EFR3B: variants seen among roughly 807,000 people sequenced by gnomAD.
EFR3B encodes the protein protein EFR3 homolog B.
A neutral mutation model predicts 104.7 loss-of-function variants in EFR3B; 64 were observed. The ratio of observed to expected loss-of-function variants is 0.61; its 90% confidence interval spans 0.50 to 0.75. The LOEUF (loss-of-function observed/expected upper bound fraction) is 0.75, where lower values mean the gene tolerates loss of function less well. EFR3B is among the 30% of genes least tolerant of loss of function. The pLI is 0.00. For missense variants in EFR3B, 750 were observed against 1,078.5 expected (o/e 0.70, Z 4.27); for synonymous variants, 385 against 417.9 (o/e 0.92, Z 0.96).
At chr2:25,075,096 T>A (rs76936547) in intron 1 of EFR3B, among the ~76,000 whole-genome samples, 5,356 of 152,278 alleles carry the variant, frequency 0.035, 141 homozygotes, top group Non-Finnish European at 0.053. Context: ...ACAGAGTCTG[T>A]TCAGATTTCG....
rs769638222 is a variant in EFR3B at position 25,143,978 on chromosome 2, G to T, written c.2050+116G>T. The T allele has an allele frequency of 7.3e-6, 10 of 1,374,578 alleles. No individual in the cohort carries two copies. In the East Asian group the frequency reaches 2.1e-4, roughly 28 times the overall value. 85.1% of individuals were successfully genotyped at this position (1,374,578 alleles called of 1,614,324 possible). A position where few individuals can be genotyped will look rare whatever the true frequency, so the allele number is the denominator to read the frequency against. On this transcript the variant is annotated intron_variant, in intron 18 of 22. Coordinates refer to ENST00000403714, the MANE Select transcript of EFR3B (RefSeq NM_014971.2). ...TTGCCTGTGAGGCACCTTGGATGTC[G>T]TGAGAGCTGAAAGACACAGTGGAAA...
At chr2:25,062,581 C>A (rs1184713292) in intron 1 of EFR3B, among the ~76,000 whole-genome samples, 4 of 152,220 alleles carry the variant, frequency 2.6e-5, no homozygotes, top group Admixed American at 2.0e-4. Context: ...AGGGCTCTTA[C>A]CAGCAGCCTA....
chr2:25,139,229 A>C (rs981475899), intron 16 of EFR3B, 39 bp downstream of exon 16: 15 of 1,538,186 alleles, frequency 9.8e-6, no homozygotes, highest in Non-Finnish European at 1.3e-5. Flanking sequence ...GGGGCCCTCA[A>C]CTTGGGGTTT....
At position 25,131,709 on chromosome 2, in the gene EFR3B, G is replaced by A. The variant is rs1303654435; in HGVS notation, c.986-41G>A. ...CGCGCGGTGCACAGAGGAGGAGGGT[G>A]CCAGCCTTGGATCTCGGGTGTCCCG... On this transcript the variant is annotated intron_variant, in intron 9 of 22. Transcript: ENST00000403714. The surrounding 1 kb of genome is among the most constrained non-coding windows in gnomAD (Gnocchi z 7.6). The A allele has an allele frequency of 1.5e-5, 22 of 1,484,378 alleles. No individual in the cohort carries two copies. The highest frequency in any genetic ancestry group is 2.0e-5 in the Non-Finnish European group (22 of 1,111,244). The allele number at this position is 1,484,378 out of a possible 1,614,324, so 92.0% of individuals were successfully genotyped here.
chr2:25,108,909 G>A (rs563266050), intron 4 of EFR3B, among the ~76,000 whole-genome samples: 5 of 152,216 alleles, frequency 3.3e-5, no homozygotes, highest in East Asian at 1.9e-4. Flanking sequence ...GGGAGGCTGA[G>A]GTGGGAGAAT....
chr2:25,056,997 G>A (rs1668039292), intron 1 of EFR3B, among the ~76,000 whole-genome samples: 1 of 152,168 alleles, frequency 6.6e-6, no homozygotes, highest in South Asian at 2.1e-4. Context: ...GAATGAATGG[G>A]CTGGAAGGGT....
At chr2:25,108,289 ATGGGTCCAGATGCATGTCT>A (rs1401746635) in intron 4 of EFR3B, among the ~76,000 whole-genome samples, 7 of 152,278 alleles carry the variant, frequency 4.6e-5, no homozygotes, top group Non-Finnish European at 8.8e-5. Context: ...TCATTGCATG[ATGGGTCCAGATGCATGTCT>A]TGGGTCCAGA....
chr2:25,048,226 C>A (rs964759123), intron 1 of EFR3B, among the ~76,000 whole-genome samples: 1 of 151,964 alleles, frequency 6.6e-6, no homozygotes, highest in Non-Finnish European at 1.5e-5. Flanking sequence ...ATTGCCTAGG[C>A]TGGTCTTGAT....
At chr2:25,082,854 GA>G (rs911100123) in intron 1 of EFR3B, among the ~76,000 whole-genome samples, 9 of 152,298 alleles carry the variant, frequency 5.9e-5, no homozygotes, top group African/African-American at 1.9e-4. Flanking sequence ...AACCAGGACA[GA>G]AAATTAAAGT....
rs577414056 is a variant in EFR3B, at chr2:25,126,639, C to T, written c.486-1544C>T. Among the ~76,000 whole-genome samples, 5 of 151,888 alleles carry T rather than the reference C, an allele frequency of 3.3e-5. No homozygotes were observed. In the South Asian group the frequency reaches 8.3e-4, roughly 25 times the overall value. ...CCTCCCAAAGTGCTGGGATTACAGG[C>T]GTGAGTCACCGCGCCCGGCCTAATG... is the stretch of plus-strand genomic sequence containing the variant. On this transcript the variant is annotated intron_variant, in intron 5 of 22. Transcript: ENST00000403714.
At chr2:25,099,870 TAAAAA>T (rs59603684) in intron 3 of EFR3B, among the ~76,000 whole-genome samples, 1 of 138,962 alleles carries the variant, frequency 7.2e-6, no homozygotes, top group Non-Finnish European at 1.6e-5. Flanking sequence ...AAACTTTGTT[TAAAAA>T]AAAAAAAAAA....
rs1670261739 is a variant in EFR3B, at chr2:25,129,337, CGGGGGCGGGGGCGGGGCGTGGGGT to C, written c.636-633_636-610del. ...GGGTCGACGGGGGCGGGGGCGGGGG[CGGGGGCGGGGGCGGGGCGTGGGGT>C]GGGGCGTGGGGTGGGGTGGGGTTCG... is the stretch of plus-strand genomic sequence containing the variant. On this transcript the variant is annotated intron_variant, in intron 6 of 22. Coordinates refer to ENST00000403714, the MANE Select transcript of EFR3B (RefSeq NM_014971.2). Among the ~76,000 whole-genome samples the C allele has an allele frequency of 4.4e-4, 4 of 9,102 alleles. No individual in the cohort carries two copies. The South Asian group carries it at 8.7e-3, about 20-fold the overall frequency. 6.0% of individuals were successfully genotyped at this position (9,102 alleles called of 152,430 possible).
rs182434041 is a variant in EFR3B at position 25,084,747 on chromosome 2, C to T, written c.8-6578C>T. On this transcript the variant is annotated intron_variant, in intron 1 of 22. Coordinates refer to ENST00000403714, the MANE Select transcript of EFR3B (RefSeq NM_014971.2). ...GGGACAACTTGAGGCGAAGGCGGAACGACTCAAAGTGGAGAGGGGGCTTCC... is the reference window on the plus strand; with the variant it reads ...GGGACAACTTGAGGCGAAGGCGGAATGACTCAAAGTGGAGAGGGGGCTTCC... 1.1e-4 allele frequency among the ~76,000 whole-genome samples: 16 copies of T among 152,208 alleles called. No individual in the cohort carries two copies. The East Asian group carries it at 1.2e-3, about 11-fold the overall frequency.
Position 25,139,183 on chromosome 2 carries a change from T to C in EFR3B, c.1847T>C (p.Ile616Thr). The change falls in exon 16 of 23, where the codon ATC becomes ACC. Residue 616 changes from isoleucine (I) to threonine (T), a missense_variant. By Grantham distance (89) the Ile-to-Thr change is moderately conservative. Coordinates refer to ENST00000403714, the MANE Select transcript of EFR3B (RefSeq NM_014971.2). ...ACAGTGCCTGCCTTCTGCCAGCACA[T>C]CCATGAGGTTGGTGTTCTCACGACC... ...LTTVPAFCQH[I>T]HEVIETRKKE... is the part of the protein sequence containing the mutation. The C allele has an allele frequency of 4.5e-6, 7 of 1,551,166 alleles. No homozygotes were observed. The highest frequency in any genetic ancestry group is 6.1e-6 in the Non-Finnish European group (7 of 1,146,862).
intron 19 of EFR3B, among the ~76,000 whole-genome samples, chr2:25,148,664 T>G (rs1023261778): frequency 2.0e-5 from 3 of 151,780 alleles, no homozygotes; most frequent in South Asian, 2.1e-4. Flanking sequence ...GGCTCACGCC[T>G]GTAATCCCAG....
chr2:25,144,451 G>C (rs1211223710), intron 18 of EFR3B, among the ~76,000 whole-genome samples: 2 of 152,144 alleles, frequency 1.3e-5, no homozygotes. Flanking sequence ...GGCTGAAACA[G>C]GAGAATTGCT....
intron 10 of EFR3B, among the ~76,000 whole-genome samples, chr2:25,132,133 G>T (rs555415102): frequency 1.3e-5 from 2 of 152,316 alleles, no homozygotes; most frequent in Non-Finnish European, 2.9e-5. Flanking sequence ...GCATCCAACC[G>T]GGCCCCTGTA....
intron 20 of EFR3B, among the ~76,000 whole-genome samples, chr2:25,151,696 T>C (rs1671014270): frequency 6.6e-6 from 1 of 152,216 alleles, no homozygotes; most frequent in African/African-American, 2.4e-5. Flanking sequence ...AGTTCTCAAA[T>C]TCTTACATGA....
In EFR3B at chr2:25,136,914, C is replaced by G. The variant is rs1388918390; in HGVS notation, c.1560+316C>G. Among the ~76,000 whole-genome samples the G allele has an allele frequency of 6.6e-6, 1 of 152,166 alleles. No individual in the cohort carries two copies. Among genetic ancestry groups the G allele is most frequent in the East Asian group, 1.9e-4 (1 of 5,204 alleles). The stretch of plus-strand genomic sequence containing the variant: ...CTGGGTGACAGAGCAAAAGTCACTG[C>G]TGACCACTGACTGCCCTTGGAGCCT... On this transcript the variant is annotated intron_variant, in intron 14 of 22. Transcript: ENST00000403714. The surrounding 1 kb of genome is among the most constrained non-coding windows in gnomAD (Gnocchi z 4.0).
Sources: allele counts gnomAD v4.1 joint callset (sites outside exome capture counted in the v4.1 genomes callset), GRCh38; gene constraint gnomAD v4.1.1; non-coding constraint Gnocchi (gnomAD v3.1); transcripts MANE v1.5; gene names NCBI Gene and HGNC (gene_info 2026-07-23, HGNC 2026-07-21).